BCAT1: variants seen among roughly 807,000 people sequenced by gnomAD.
The protein encoded by BCAT1 is branched chain amino acid transaminase 1.
Under a neutral mutation model 52.4 loss-of-function variants are expected in BCAT1, and 48 were observed. That is an observed-to-expected ratio of 0.92 (90% confidence interval 0.73 to 1.16). The LOEUF (loss-of-function observed/expected upper bound fraction) is 1.16. Among genes scored for constraint, BCAT1 ranks in the 50% most tolerant of loss-of-function variants. The pLI is 0.00. For missense variants in BCAT1, 451 were observed against 457.1 expected, an observed-to-expected ratio of 0.99 and a Z score of 0.12; for synonymous variants, 167 against 161.3, an observed-to-expected ratio of 1.04 and a Z score of -0.27.
chr12:24,843,895 C>A (rs1023307098), intron 6 of BCAT1, among the ~76,000 whole-genome samples: 16 of 152,120 alleles, frequency 1.1e-4, no homozygotes, highest in Admixed American at 9.2e-4. Context: ...CATTTTCTCC[C>A]TTCTGGGGTT....
At chr12:24,912,130 T>C (rs1157932639) in intron 1 of BCAT1, among the ~76,000 whole-genome samples, 1 of 152,220 alleles carries the variant, frequency 6.6e-6, no homozygotes, top group Non-Finnish European at 1.5e-5. Context: ...TAAGTTTTAT[T>C]AATGATTATT....
chr12:24,946,972 CTT>C (rs1438153320), intron 1 of BCAT1, among the ~76,000 whole-genome samples: 1 of 152,120 alleles, frequency 6.6e-6, no homozygotes, highest in Non-Finnish European at 1.5e-5. Context: ...ATTACTGAAA[CTT>C]ATCAGATGAA....
chr12:24,892,004 G>A (rs764401512), intron 3 of BCAT1, among the ~76,000 whole-genome samples: 5 of 151,432 alleles, frequency 3.3e-5, no homozygotes, highest in African/African-American at 7.3e-5. Context: ...TGATCCGCCC[G>A]CCTTGGCCTC....
chr12:24,943,702 A>G (rs370947556), intron 1 of BCAT1, among the ~76,000 whole-genome samples: 18 of 151,988 alleles, frequency 1.2e-4, no homozygotes, highest in Non-Finnish European at 2.6e-4. Flanking sequence ...AAGTAGTTTG[A>G]GGCCGGGAGC....
intron 1 of BCAT1, among the ~76,000 whole-genome samples, chr12:24,905,118 C>T (rs964850678): frequency 7.2e-5 from 11 of 152,116 alleles, no homozygotes; most frequent in African/African-American, 2.7e-4. Context: ...CCTGGGGCTG[C>T]GGTAGACAGA....
rs145292040 is a variant in BCAT1, at chr12:24,906,627, C to T, written c.7-4742G>A. On this transcript the variant is annotated intron_variant, in intron 1 of 10. Coordinates refer to ENST00000261192, the MANE Select transcript of BCAT1 (RefSeq NM_005504.7). The stretch of plus-strand genomic sequence containing the variant: ...AGAACCATGCCTGATGTCAGCCATG[C>T]AGAATAGGTGAAAGAACGGGCATGG... Among the ~76,000 whole-genome samples, 894 of 152,286 alleles carry T rather than the reference C, an allele frequency of 5.9e-3. 9 individuals are homozygous for T. Among genetic ancestry groups the T allele is most frequent in the African/African-American group, 0.02 (847 of 41,542 alleles).
chr12:24,939,605 G>A (rs1336486377), intron 1 of BCAT1, among the ~76,000 whole-genome samples: 5 of 152,192 alleles, frequency 3.3e-5, no homozygotes, highest in South Asian at 2.1e-4. Flanking sequence ...GGGAGGCTGA[G>A]GCAGGTGGAC....
chr12:24,941,964 G>A (rs1233311128), intron 1 of BCAT1, among the ~76,000 whole-genome samples: 1 of 152,202 alleles, frequency 6.6e-6, no homozygotes, highest in Non-Finnish European at 1.5e-5. Context: ...CTAGAGAAAT[G>A]CATGCACATA....
intron 2 of BCAT1, among the ~76,000 whole-genome samples, chr12:24,900,319 G>T (rs1029876733): frequency 6.6e-6 from 1 of 152,196 alleles, no homozygotes; most frequent in African/African-American, 2.4e-5. Flanking sequence ...AGGCATTGTG[G>T]CTTATGCCTG....
At chr12:24,923,433 GTC>G (rs1166732681) in intron 1 of BCAT1, among the ~76,000 whole-genome samples, 2 of 152,248 alleles carry the variant, frequency 1.3e-5, no homozygotes, top group African/African-American at 4.8e-5. Context: ...TTTAGACAGG[GTC>G]TCTCTCTGTC....
chr12:24,838,534 C>T (rs1018809342), intron 7 of BCAT1, among the ~76,000 whole-genome samples: 12 of 151,614 alleles, frequency 7.9e-5, no homozygotes, highest in African/African-American at 2.7e-4. Flanking sequence ...CACACACTTC[C>T]AGTGCCCCCA....
intron 5 of BCAT1, among the ~76,000 whole-genome samples, chr12:24,864,078 T>C (rs1330479349): frequency 2.0e-5 from 3 of 152,224 alleles, no homozygotes; most frequent in Non-Finnish European, 4.4e-5. Flanking sequence ...GCTTTTGTAC[T>C]ATAAAAGCAG....
intron 1 of BCAT1, among the ~76,000 whole-genome samples, chr12:24,942,267 A>T (rs915685293): frequency 6.6e-6 from 1 of 152,140 alleles, no homozygotes; most frequent in Admixed American, 6.5e-5. Context: ...GAAGTAAAAG[A>T]TGGCTGGCTG....
At chr12:24,902,782 G>T in intron 1 of BCAT1, 2 of 1,016,508 alleles carry the variant, frequency 2.0e-6, no homozygotes, top group Non-Finnish European at 2.8e-6. Flanking sequence ...CAGATTTCGG[G>T]CAGGGATGCG....
chr12:24,876,453 A>G (rs1228911033), intron 5 of BCAT1, among the ~76,000 whole-genome samples: 1 of 152,184 alleles, frequency 6.6e-6, no homozygotes, highest in African/African-American at 2.4e-5. Flanking sequence ...ATAAATTGAT[A>G]TAATTCATTC....
chr12:24,901,659 C>CT (rs1943106586), intron 2 of BCAT1, among the ~76,000 whole-genome samples, 155 bp downstream of exon 2: 2 of 152,160 alleles, frequency 1.3e-5, no homozygotes, highest in Admixed American at 6.5e-5. Flanking sequence ...CTCTAAATGG[C>CT]TTTTTTTCCT....
intron 10 of BCAT1, among the ~76,000 whole-genome samples, chr12:24,828,481 T>C (rs1176179493): frequency 1.3e-5 from 2 of 152,166 alleles, no homozygotes; most frequent in Non-Finnish European, 2.9e-5. Context: ...TAATCGAGGA[T>C]GTACTGTCCA....
chr12:24,827,462 T>C (rs1360387245), intron 10 of BCAT1, among the ~76,000 whole-genome samples: 1 of 152,166 alleles, frequency 6.6e-6, no homozygotes, highest in Non-Finnish European at 1.5e-5. Flanking sequence ...AAACCTTTGC[T>C]GGAGAGCAGA....
At chr12:24,943,893 A>G (rs1336964397) in intron 1 of BCAT1, among the ~76,000 whole-genome samples, 6 of 152,098 alleles carry the variant, frequency 3.9e-5, no homozygotes, top group Non-Finnish European at 8.8e-5. Context: ...CTGAGGCAGG[A>G]GAATGGCGTG....
Sources: allele counts gnomAD v4.1 joint callset (sites outside exome capture counted in the v4.1 genomes callset), GRCh38; gene constraint gnomAD v4.1.1; transcripts MANE v1.5; gene names NCBI Gene and HGNC (gene_info 2026-07-23, HGNC 2026-07-21).